PCSK5: variants seen among roughly 807,000 people sequenced by gnomAD.
PCSK5 encodes prohormone convertase 5.
In PCSK5, 129 loss-of-function variants were observed where a neutral mutation model predicts 233.2. The observed-to-expected ratio is 0.55, with a 90% CI of 0.48 to 0.64. PCSK5 has a LOEUF of 0.64. PCSK5 is among the 30% of genes least tolerant of loss of function. The pLI is 0.00. For missense variants in PCSK5, 2,076 were observed against 2,430.1 expected (o/e 0.85, Z 3.06); for synonymous variants, 825 against 879.2 (o/e 0.94, Z 1.09).
At chr9:76,345,537 GC>G (rs1350235849) in intron 35 of PCSK5, among the ~76,000 whole-genome samples, 5 of 152,120 alleles carry the variant, frequency 3.3e-5, no homozygotes, top group African/African-American at 1.2e-4. Flanking sequence ...TCCTGACTCA[GC>G]CTCCTGAGTA....
chr9:75,929,037 G>A (rs1050530845), intron 1 of PCSK5, among the ~76,000 whole-genome samples: 1 of 152,114 alleles, frequency 6.6e-6, no homozygotes, highest in African/African-American at 2.4e-5. Flanking sequence ...CCTGGTTTAA[G>A]CAATTCTCCT....
intron 2 of PCSK5, among the ~76,000 whole-genome samples, chr9:75,952,224 C>T (rs1310100299): frequency 6.6e-6 from 1 of 152,078 alleles, no homozygotes; most frequent in African/African-American, 2.4e-5. Flanking sequence ...TTTGTTTATG[C>T]TTTTTCTTCT....
chr9:76,234,366 T>A (rs1412859718), intron 22 of PCSK5, among the ~76,000 whole-genome samples: 1 of 152,140 alleles, frequency 6.6e-6, no homozygotes, highest in African/African-American at 2.4e-5. Flanking sequence ...CTGCTCTCCA[T>A]CTCTCCCCAG....
At position 76,179,844 on chromosome 9, in the gene PCSK5, G is replaced by A. The variant is rs1823768623; in HGVS notation, c.2003+146G>A. 5.0e-6 allele frequency: 3 copies of A among 603,190 alleles called. No homozygotes were observed. In the South Asian group the frequency reaches 5.9e-5, roughly 12 times the overall value. 37.4% of individuals were successfully genotyped at this position (603,190 alleles called of 1,614,324 possible). ...ACCGAAACATAGAAAAGAGGCTGCT[G>A]TGCAGGCCGACTGCCTCCCTGTGTT... On this transcript the variant is annotated intron_variant, in intron 15 of 37. Transcript: ENST00000674117.
In PCSK5 at chr9:76,362,622, A is replaced by G. The variant is rs1467084541; in HGVS notation, c.*3700A>G. ...TTCTGCCTCCAAAGAAAGAAGAAGT[A>G]AAAACTAAAAGGCAAAAATGAAATC... On this transcript the variant is annotated 3_prime_UTR_variant, in exon 38 of 38. Transcript: ENST00000674117. Among the ~76,000 whole-genome samples the G allele has an allele frequency of 6.6e-6, 1 of 152,226 alleles. No homozygotes were observed. The highest frequency in any genetic ancestry group is 1.5e-5 in the Non-Finnish European group (1 of 68,040).
At chr9:76,057,601 A>G (rs1829866341) in intron 5 of PCSK5, among the ~76,000 whole-genome samples, 2 of 152,206 alleles carry the variant, frequency 1.3e-5, no homozygotes, top group South Asian at 4.1e-4. Flanking sequence ...GTGTAAAGCA[A>G]TGTACAGAAA....
chr9:76,138,600 G>C (rs1016604880), intron 10 of PCSK5, among the ~76,000 whole-genome samples: 1 of 152,028 alleles, frequency 6.6e-6, no homozygotes, highest in Non-Finnish European at 1.5e-5. Flanking sequence ...TTCTTGGCCC[G>C]AGTCCTTATC....
intron 20 of PCSK5, among the ~76,000 whole-genome samples, chr9:76,203,347 G>A (rs1430516432): frequency 1.3e-5 from 2 of 151,966 alleles, no homozygotes; most frequent in Admixed American, 1.3e-4. Context: ...CATTCCCTGG[G>A]TACTCACTGT....
chr9:76,065,774 G>C (rs1053970981), intron 5 of PCSK5, among the ~76,000 whole-genome samples: 1 of 151,960 alleles, frequency 6.6e-6, no homozygotes, highest in Non-Finnish European at 1.5e-5. Context: ...CCTTCTAGTA[G>C]TTTCATAGTT....
At chr9:76,084,965 T>C (rs971048538) in intron 7 of PCSK5, among the ~76,000 whole-genome samples, 1 of 152,220 alleles carries the variant, frequency 6.6e-6, no homozygotes, top group African/African-American at 2.4e-5. Context: ...AACATTATTA[T>C]AACACCTATA....
intron 24 of PCSK5, among the ~76,000 whole-genome samples, chr9:76,274,636 G>A (rs1827631476): frequency 6.6e-6 from 1 of 152,000 alleles, no homozygotes; most frequent in African/African-American, 2.4e-5. Flanking sequence ...CTTTTGAGAT[G>A]TTCTAGAACA....
chr9:76,206,824 T>G (rs1483775080), intron 20 of PCSK5, among the ~76,000 whole-genome samples: 3 of 152,216 alleles, frequency 2.0e-5, no homozygotes, highest in Non-Finnish European at 4.4e-5. Context: ...ATTAATTTCT[T>G]ATGGCTGCTC....
chr9:76,258,788 G>C (rs1827063229), intron 24 of PCSK5, among the ~76,000 whole-genome samples: 1 of 152,190 alleles, frequency 6.6e-6, no homozygotes, highest in Non-Finnish European at 1.5e-5. Context: ...AGATTTTAAA[G>C]ATAAATTATG....
In PCSK5 at chr9:76,328,036, C is replaced by T. The variant is rs771546823; in HGVS notation, c.4367C>T (p.Ser1456Leu). The stretch of plus-strand genomic sequence containing the variant: ...TGCCACAAGTCCTGCTTGACCTGCT[C>T]ATCATCTGGGACCTGCACCACCTGT... ...RDCHKSCLTC[S>L]SSGTCTTCQK... The change falls in exon 33 of 38, where the codon TCA becomes TTA. Residue 1456 changes from serine to leucine, a missense_variant. Physicochemically the swap from Ser to Leu is moderately radical, Grantham distance 145. Coordinates refer to ENST00000674117, the MANE Select transcript of PCSK5 (RefSeq NM_001372043.1). 1.1e-5 allele frequency: 17 copies of T among 1,612,544 alleles called. 1 individual carries two copies. Among genetic ancestry groups the T allele is most frequent in the South Asian group, 5.5e-5 (5 of 91,068 alleles).
intron 9 of PCSK5, among the ~76,000 whole-genome samples, chr9:76,119,472 T>C (rs1375566302): frequency 1.3e-5 from 2 of 152,096 alleles, no homozygotes; most frequent in Admixed American, 6.6e-5. Context: ...TATGTATGTT[T>C]TACCCTAAAT....
rs1429350210 is a variant in PCSK5 at position 76,338,518 on chromosome 9, TTCTC to T, written c.4966+75_4966+78del. 5 of 1,073,092 alleles carry T rather than the reference TTCTC, an allele frequency of 4.7e-6. No homozygotes were observed. In the East Asian group the frequency reaches 1.3e-4, roughly 27 times the overall value. The allele number at this position is 1,073,092 out of a possible 1,614,324, so 66.5% of individuals were successfully genotyped here. ...AAGGTTTTCTTCCTTATTTGCCCCT[TTCTC>T]TCTTCTCACCACCTGGGAGGTTCCT... On this transcript the variant is annotated intron_variant, in intron 35 of 37. Transcript: ENST00000674117.
intron 9 of PCSK5, among the ~76,000 whole-genome samples, chr9:76,131,832 A>G (rs1252109448): frequency 6.6e-6 from 1 of 152,032 alleles, no homozygotes; most frequent in African/African-American, 2.4e-5. Flanking sequence ...TCTCCTCCCT[A>G]AAGGAGAGTT....
At chr9:76,129,740 G>A (rs1822680256) in intron 9 of PCSK5, among the ~76,000 whole-genome samples, 1 of 152,010 alleles carries the variant, frequency 6.6e-6, no homozygotes, top group Non-Finnish European at 1.5e-5. Context: ...TAATTGAAGT[G>A]CTAGTGGTTG....
At chr9:76,026,435 T>C (rs1356128105) in intron 4 of PCSK5, among the ~76,000 whole-genome samples, 1 of 152,156 alleles carries the variant, frequency 6.6e-6, no homozygotes, top group Non-Finnish European at 1.5e-5. Flanking sequence ...CCAAGATACC[T>C]GACATAATAA....
Sources: gnomAD v4.1 joint callset for allele counts (sites outside exome capture counted in the v4.1 genomes callset) on GRCh38, gnomAD v4.1.1 for gene constraint, MANE v1.5 for transcripts, NCBI Gene and HGNC (gene_info 2026-07-23, HGNC 2026-07-21) for gene names.